The following CSTPP1 variants were observed in gnomAD, a reference collection of about 807,000 sequenced individuals.
CSTPP1 encodes centriolar satellite-associated tubulin polyglutamylase complex regulator 1.
chr11:47,130,255 CAAA>C, the CSTPP1 span, among the ~76,000 whole-genome samples: 1 of 110,270 alleles, frequency 9.1e-6, no homozygotes, highest in African/African-American at 3.4e-5. Context: ...GACTCTGTCT[CAAA>C]AAAAAAAAAA....
the CSTPP1 span, among the ~76,000 whole-genome samples, chr11:47,113,061 A>G: frequency 1.9e-3 from 289 of 152,190 alleles, 1 homozygote; most frequent in African/African-American, 6.4e-3. Context: ...TCATTGTTCA[A>G]TTCCCACCTA....
the CSTPP1 span, among the ~76,000 whole-genome samples, chr11:47,104,573 G>C: frequency 1.3e-5 from 2 of 152,234 alleles, no homozygotes; most frequent in African/African-American, 4.8e-5. Context: ...CTGGCAGAGA[G>C]GGTCCAGTTC....
the CSTPP1 span, among the ~76,000 whole-genome samples, chr11:46,956,036 A>T: frequency 6.3e-5 from 9 of 142,450 alleles, no homozygotes; most frequent in African/African-American, 2.2e-4. Flanking sequence ...GTCTTGACTT[A>T]GGAGGTTGGG....
the CSTPP1 span, among the ~76,000 whole-genome samples, chr11:47,098,475 G>A: frequency 6.6e-6 from 1 of 151,436 alleles, no homozygotes; most frequent in African/African-American, 2.4e-5. Flanking sequence ...CACTTGGAAT[G>A]TAGAACAAAA....
the CSTPP1 span, chr11:47,041,225 G>A: frequency 1.8e-5 from 4 of 224,638 alleles, 1 homozygote; most frequent in Non-Finnish European, 3.8e-5. Flanking sequence ...GGTTGGGGAA[G>A]AGAAGCTGGG....
At chr11:46,968,396 AATAAT>A in the CSTPP1 span, among the ~76,000 whole-genome samples, 1 of 147,000 alleles carries the variant, frequency 6.8e-6, no homozygotes, top group Non-Finnish European at 1.5e-5. Context: ...AATATATTTA[AATAAT>A]ATATTTAATA....
the CSTPP1 span, chr11:47,159,811 C>G: frequency 9.5e-6 from 4 of 421,068 alleles, no homozygotes; most frequent in Admixed American, 1.1e-4. Context: ...TCGAGACCAG[C>G]CTGGCCAACA....
At chr11:47,085,525 G>C in the CSTPP1 span, among the ~76,000 whole-genome samples, 1 of 152,070 alleles carries the variant, frequency 6.6e-6, no homozygotes, top group Non-Finnish European at 1.5e-5. Context: ...GCAGTCAAAC[G>C]TAGTTGAGAT....
At chr11:46,938,771 T>C in the CSTPP1 span, among the ~76,000 whole-genome samples, 2,113 of 135,386 alleles carry the variant, frequency 0.016, 55 homozygotes, top group African/African-American at 0.052. Context: ...CTTTTTTTTT[T>C]TTCTTCTTCT....
the CSTPP1 span, among the ~76,000 whole-genome samples, chr11:47,029,375 G>A: frequency 2.5e-4 from 38 of 152,028 alleles, no homozygotes; most frequent in South Asian, 3.3e-3. Flanking sequence ...GGGAGGCTGA[G>A]GTGGGCAGAT....
At chr11:47,102,590 A>T in the CSTPP1 span, among the ~76,000 whole-genome samples, 1 of 152,188 alleles carries the variant, frequency 6.6e-6, no homozygotes, top group African/African-American at 2.4e-5. Flanking sequence ...GACAAATAGA[A>T]AAAAGGTCTA....
the CSTPP1 span, among the ~76,000 whole-genome samples, chr11:47,114,669 G>A: frequency 6.6e-6 from 1 of 152,110 alleles, no homozygotes; most frequent in Non-Finnish European, 1.5e-5. Flanking sequence ...TGTGATTTTT[G>A]CACATTGATT....
At chr11:46,979,413 T>C in the CSTPP1 span, among the ~76,000 whole-genome samples, 1 of 152,254 alleles carries the variant, frequency 6.6e-6, no homozygotes, top group Non-Finnish European at 1.5e-5. Flanking sequence ...TGAATGTTTA[T>C]GGCGTTGACT....
At chr11:47,039,739 T>C in the CSTPP1 span, among the ~76,000 whole-genome samples, 12 of 128,140 alleles carry the variant, frequency 9.4e-5, 3 homozygotes, top group Non-Finnish European at 2.2e-4. Flanking sequence ...CTCAGGAGGC[T>C]GAGGCACGAG....
chr11:47,155,189 G>A, the CSTPP1 span: 22 of 1,613,208 alleles, frequency 1.4e-5, 1 homozygote, highest in Non-Finnish European at 1.6e-5. Flanking sequence ...TGTGCTCATG[G>A]ACGATGCCAT....
chr11:47,052,705 G>A, the CSTPP1 span: 1 of 702,132 alleles, frequency 1.4e-6, no homozygotes, highest in Non-Finnish European at 2.2e-6. Flanking sequence ...TCACTTTTGA[G>A]GAGTTGTCTG....
chr11:47,100,627 C>T, the CSTPP1 span, among the ~76,000 whole-genome samples: 1 of 152,164 alleles, frequency 6.6e-6, no homozygotes, highest in African/African-American at 2.4e-5. Context: ...CCTATTTCTA[C>T]TAAAAATACA....
At chr11:47,031,696 CTTTTTTT>C in the CSTPP1 span, among the ~76,000 whole-genome samples, 11 of 136,064 alleles carry the variant, frequency 8.1e-5, no homozygotes, top group South Asian at 1.9e-3. Context: ...AACCCCATCT[CTTTTTTT>C]TTTTTTTTTT....
At chr11:46,964,928 G>A in the CSTPP1 span, among the ~76,000 whole-genome samples, 14 of 152,178 alleles carry the variant, frequency 9.2e-5, no homozygotes, top group Admixed American at 6.5e-5. Context: ...GGGAAGAAAC[G>A]TAACCATGTG....
Sources: gnomAD v4.1 joint callset for allele counts (sites outside exome capture counted in the v4.1 genomes callset) on GRCh38, gnomAD v4.1.1 for gene constraint, MANE v1.5 for transcripts, NCBI Gene and HGNC (gene_info 2026-07-23, HGNC 2026-07-21) for gene names.